Variants in CA10 observed in about 807,000 individuals in gnomAD.
The protein encoded by CA10 is carbonic anhydrase-related protein 10.
In CA10, 14 loss-of-function variants were observed where a neutral mutation model predicts 44.2. The ratio of observed to expected loss-of-function variants is 0.32; its 90% CI spans 0.21 to 0.50. CA10 has a LOEUF of 0.50. CA10 is among the 20% of genes least tolerant of loss of function. The pLI, the probability that CA10 is intolerant of heterozygous loss-of-function variation, is 0.99. For synonymous variants in CA10, 159 were observed against 141.6 expected, an observed-to-expected ratio of 1.12 and a Z score of -0.87; for missense variants, 350 against 409.7, an observed-to-expected ratio of 0.85 and a Z score of 1.26.
chr17:51,800,451 A>G (rs2143716100), intron 3 of CA10, among the ~76,000 whole-genome samples: 1 of 152,312 alleles, frequency 6.6e-6, no homozygotes, highest in African/African-American at 2.4e-5. Context: ...GTACAAAAAA[A>G]ACATTAAATT....
chr17:51,808,040 G>C (rs1293259005), intron 3 of CA10, among the ~76,000 whole-genome samples: 1 of 152,184 alleles, frequency 6.6e-6, no homozygotes, highest in Non-Finnish European at 1.5e-5. Flanking sequence ...AGTTTCCACT[G>C]TCATATCCCA....
At chr17:52,120,500 G>C (rs1988993394) in intron 1 of CA10, among the ~76,000 whole-genome samples, 1 of 151,936 alleles carries the variant, frequency 6.6e-6, no homozygotes, top group South Asian at 2.1e-4. Context: ...AGGGCATTTA[G>C]ATGTACTTCT....
intron 4 of CA10, among the ~76,000 whole-genome samples, chr17:51,671,144 T>C (rs1448419376): frequency 6.6e-6 from 1 of 152,122 alleles, no homozygotes; most frequent in Non-Finnish European, 1.5e-5. Flanking sequence ...AGGTAGGAGC[T>C]ACCCCAGGCA....
At chr17:51,775,799 C>T (rs1011023262) in intron 3 of CA10, among the ~76,000 whole-genome samples, 3 of 152,080 alleles carry the variant, frequency 2.0e-5, no homozygotes, top group African/African-American at 7.2e-5. Context: ...CAGGGATTAG[C>T]AGGAAGAGGC....
intron 2 of CA10, among the ~76,000 whole-genome samples, chr17:51,962,530 T>C (rs1324330742): frequency 1.3e-5 from 2 of 152,164 alleles, no homozygotes; most frequent in Non-Finnish European, 2.9e-5. Flanking sequence ...AAGAATAAAA[T>C]ATATACCCAG....
At chr17:51,775,394 T>C (rs190150255) in intron 3 of CA10, among the ~76,000 whole-genome samples, 158 of 152,330 alleles carry the variant, frequency 1.0e-3, no homozygotes, top group African/African-American at 3.7e-3. Flanking sequence ...TCCATAAAGC[T>C]AACGTTTTGG....
At chr17:51,961,188 AACACACACACACAC>A (rs71149387) in intron 2 of CA10, among the ~76,000 whole-genome samples, 1 of 145,002 alleles carries the variant, frequency 6.9e-6, no homozygotes, top group Non-Finnish European at 1.5e-5. Flanking sequence ...TGTACACACA[AACACACACACACAC>A]ACACACACAC....
At chr17:51,965,059 A>C (rs1003443978) in intron 2 of CA10, among the ~76,000 whole-genome samples, 2 of 151,950 alleles carry the variant, frequency 1.3e-5, no homozygotes, top group African/African-American at 4.8e-5. Context: ...AAACAACAAA[A>C]GTGACATTAT....
intron 1 of CA10, among the ~76,000 whole-genome samples, chr17:52,075,320 T>C (rs1031556805): frequency 2.0e-5 from 3 of 152,210 alleles, no homozygotes; most frequent in Non-Finnish European, 4.4e-5. Context: ...AACTTCATAT[T>C]ATATTAGAGA....
intron 2 of CA10, among the ~76,000 whole-genome samples, chr17:52,068,350 C>T (rs573836012): frequency 6.6e-6 from 1 of 152,236 alleles, no homozygotes; most frequent in Non-Finnish European, 1.5e-5. Flanking sequence ...TTGTAAGTTT[C>T]CTGAGGCCTC....
At chr17:52,047,163 A>G (rs535410710) in intron 2 of CA10, among the ~76,000 whole-genome samples, 76 of 152,140 alleles carry the variant, frequency 5.0e-4, no homozygotes, top group African/African-American at 1.8e-3. Context: ...ACAGTCAACA[A>G]TATAACATGG....
At chr17:51,773,227 G>A (rs780686642) in intron 3 of CA10, among the ~76,000 whole-genome samples, 1 of 152,222 alleles carries the variant, frequency 6.6e-6, no homozygotes. Flanking sequence ...CATTCTGGAA[G>A]CCAGGTTGGA....
At chr17:52,105,426 T>G (rs2143264443) in intron 1 of CA10, among the ~76,000 whole-genome samples, 1 of 152,238 alleles carries the variant, frequency 6.6e-6, no homozygotes, top group Non-Finnish European at 1.5e-5. Context: ...GGCTAATTTT[T>G]TGTATTTTTT....
At chr17:52,117,138 G>C (rs1183337752) in intron 1 of CA10, among the ~76,000 whole-genome samples, 1 of 151,978 alleles carries the variant, frequency 6.6e-6, no homozygotes, top group African/African-American at 2.4e-5. Context: ...TTATTTTGCT[G>C]AAAAAAGGGT....
At chr17:52,146,418 C>T (rs572719243) in intron 1 of CA10, among the ~76,000 whole-genome samples, 10 of 152,100 alleles carry the variant, frequency 6.6e-5, no homozygotes, top group Admixed American at 1.3e-4. Context: ...AGGCCGGGCG[C>T]GGTGGCTCAC....
chr17:51,812,175 GA>G (rs1489154420), intron 3 of CA10, among the ~76,000 whole-genome samples: 2 of 152,104 alleles, frequency 1.3e-5, no homozygotes, highest in Non-Finnish European at 2.9e-5. Flanking sequence ...AAATTTTTAG[GA>G]ATTTTGCAAG....
chr17:51,675,912 A>G (rs1009222481), intron 4 of CA10, among the ~76,000 whole-genome samples: 2 of 152,186 alleles, frequency 1.3e-5, no homozygotes, highest in Admixed American at 6.5e-5. Flanking sequence ...CATGTGAGAG[A>G]CACTCCCATC....
chr17:51,830,780 A>C (rs920228254), intron 3 of CA10, among the ~76,000 whole-genome samples: 7 of 152,176 alleles, frequency 4.6e-5, no homozygotes. Flanking sequence ...TGTGTCATCT[A>C]GTAGATATTT....
At chr17:51,849,233 GTATA>G (rs1217693250) in intron 3 of CA10, among the ~76,000 whole-genome samples, 859 of 39,834 alleles carry the variant, frequency 0.022, 14 homozygotes, top group East Asian at 0.045. Flanking sequence ...ATATGTGTGT[GTATA>G]TATATATATA....
Sources: allele counts gnomAD v4.1 joint callset (sites outside exome capture counted in the v4.1 genomes callset), GRCh38; gene constraint gnomAD v4.1.1; transcripts MANE v1.5; gene names NCBI Gene and HGNC (gene_info 2026-07-23, HGNC 2026-07-21).